PTPN2: variants seen among roughly 807,000 people sequenced by gnomAD.
PTPN2 encodes the protein protein tyrosine phosphatase non-receptor type 2, also known as tyrosine-protein phosphatase non-receptor type 2.
PTPN2 carries 19 observed loss-of-function variants against 57.3 expected under a neutral mutation model. The observed-to-expected ratio is 0.33, with a 90% CI of 0.23 to 0.49. The LOEUF is 0.49. Ranked by LOEUF, PTPN2 falls within the 20% of genes least tolerant of loss-of-function variation. PTPN2 has a pLI of 0.99. For missense variants in PTPN2, 358 were observed against 501.1 expected, an observed-to-expected ratio of 0.71 and a Z score of 2.73; for synonymous variants, 153 against 164.9, an observed-to-expected ratio of 0.93 and a Z score of 0.55.
At chr18:12,841,427 G>A (rs2043042132) in intron 2 of PTPN2, among the ~76,000 whole-genome samples, 1 of 152,186 alleles carries the variant, frequency 6.6e-6, no homozygotes, top group Non-Finnish European at 1.5e-5. Flanking sequence ...CATAGAAGAT[G>A]GACTGAACCA....
Position 12,870,384 on chromosome 18 carries a change from CGTATATATGT to C in PTPN2, c.70-11140_70-11131del, listed in dbSNP as rs1568169147. ...ATATGTGTATATATACATATATATA[CGTATATATGT>C]ATATATACACGTATATATATGTATA... On this transcript the variant is annotated intron_variant, in intron 1 of 8. Transcript: ENST00000309660. Among the ~76,000 whole-genome samples the C allele has an allele frequency of 4.9e-4, 18 of 36,732 alleles. 1 individual carries two copies. Among genetic ancestry groups the C allele is most frequent in the African/African-American group, 3.7e-3 (16 of 4,288 alleles). The allele number at this position is 36,732 out of a possible 152,430, so 24.1% of individuals were successfully genotyped here. A position where few individuals can be genotyped will look rare whatever the true frequency, so the allele number is the denominator to read the frequency against.
At position 12,813,339 on chromosome 18, in the gene PTPN2, A is replaced by G. The variant is rs189363851; in HGVS notation, c.858+864T>C. 1.7e-3 allele frequency among the ~76,000 whole-genome samples: 266 copies of G among 152,324 alleles called. 1 individual carries two copies. Among genetic ancestry groups the G allele is most frequent in the Admixed American group, 3.9e-3 (59 of 15,292 alleles). On this transcript the variant is annotated intron_variant, in intron 7 of 8. Coordinates refer to ENST00000309660, the MANE Select transcript of PTPN2 (RefSeq NM_002828.4). ...CAAAGTCTGGCGTCTGAAGCAGGACATGTTCTAATGGGCTGAGTTTCCCAA... is the reference window on the plus strand; with the variant it reads ...CAAAGTCTGGCGTCTGAAGCAGGACGTGTTCTAATGGGCTGAGTTTCCCAA...
chr18:12,806,355 T>G (rs1258437965), intron 7 of PTPN2, among the ~76,000 whole-genome samples: 1 of 152,184 alleles, frequency 6.6e-6, no homozygotes, highest in Non-Finnish European at 1.5e-5. Flanking sequence ...TTAAAATTAA[T>G]ACTGTTAAAA....
chr18:12,830,180 C>T (rs1300096179), intron 4 of PTPN2, among the ~76,000 whole-genome samples: 1 of 151,466 alleles, frequency 6.6e-6, no homozygotes, highest in African/African-American at 2.4e-5. Context: ...GATGGAGTCT[C>T]ATTCTATCAT....
At chr18:12,797,171 C>CA (rs543739858) in intron 8 of PTPN2, among the ~76,000 whole-genome samples, 70 of 152,276 alleles carry the variant, frequency 4.6e-4, no homozygotes, top group Non-Finnish European at 8.7e-4. Context: ...TGTATAAAAA[C>CA]AGAGAGGGGG....
At chr18:12,874,745 G>A (rs1375028857) in intron 1 of PTPN2, among the ~76,000 whole-genome samples, 20 of 151,356 alleles carry the variant, frequency 1.3e-4, no homozygotes, top group Middle Eastern at 3.5e-3. Context: ...GCCTCTGCCC[G>A]GCCGCCCCTA....
chr18:12,853,067 T>C (rs950320643), intron 2 of PTPN2, among the ~76,000 whole-genome samples: 15 of 152,222 alleles, frequency 9.9e-5, no homozygotes, highest in Admixed American at 4.6e-4. Context: ...ATTCGATACA[T>C]AGCATAGTAT....
intron 9 of PTPN2, chr18:12,786,637 T>C (rs1374515565): frequency 6.6e-6 from 1 of 152,196 alleles, no homozygotes; most frequent in Admixed American, 6.5e-5. Context: ...CCAACTCCCC[T>C]CAGTACCGCA....
rs1568169086 is a variant in PTPN2 at position 12,870,376 on chromosome 18, TATATATAC to T, written c.70-11130_70-11123del. Among the ~76,000 whole-genome samples the T allele has an allele frequency of 7.4e-4, 44 of 59,468 alleles. 6 individuals carry two copies. Among genetic ancestry groups the T allele is most frequent in the African/African-American group, 4.8e-3 (40 of 8,282 alleles). 39.0% of individuals were successfully genotyped at this position (59,468 alleles called of 152,430 possible). A position where few individuals can be genotyped will look rare whatever the true frequency, so the allele number is the denominator to read the frequency against. Reference sequence around the variant, plus strand: ...GTGTATATATATGTGTATATATACATATATATACGTATATATGTATATATACACGTATA... The same window carrying T: ...GTGTATATATATGTGTATATATACATGTATATATGTATATATACACGTATA... On this transcript the variant is annotated intron_variant, in intron 1 of 8. Transcript: ENST00000309660.
At chr18:12,820,881 A>C (rs2042249143) in intron 5 of PTPN2, among the ~76,000 whole-genome samples, 2 of 152,222 alleles carry the variant, frequency 1.3e-5, no homozygotes, top group South Asian at 4.1e-4. Flanking sequence ...GAGAATTCTA[A>C]ATTTAAAGTC....
rs576227417 is a variant in PTPN2 at position 12,876,556 on chromosome 18, G to GT, written c.69+7516dup. On this transcript the variant is annotated intron_variant, in intron 1 of 8. Coordinates refer to ENST00000309660, the MANE Select transcript of PTPN2 (RefSeq NM_002828.4). ...GACAAACGCAACTATCTGGATTTCC[G>GT]TAATTATAGATATCAGTAATCTATA... Among the ~76,000 whole-genome samples, 24 of 152,302 alleles carry GT rather than the reference G, an allele frequency of 1.6e-4. 1 individual carries two copies. The East Asian group carries it at 4.2e-3, about 27-fold the overall frequency.
At chr18:12,794,618 G>C (rs2041097832) in intron 8 of PTPN2, 133 bp from the exon 9 acceptor site, 1 of 1,111,634 alleles carries the variant, frequency 9.0e-7, no homozygotes, top group East Asian at 2.6e-5. Flanking sequence ...AATAATGAGG[G>C]GAAAAGCCTC....
At chr18:12,809,963 C>T (rs1172280769) in intron 7 of PTPN2, among the ~76,000 whole-genome samples, 1 of 152,208 alleles carries the variant, frequency 6.6e-6, no homozygotes, top group Non-Finnish European at 1.5e-5. Context: ...GGGCAGATCA[C>T]TTGAGGTCAG....
intron 2 of PTPN2, among the ~76,000 whole-genome samples, chr18:12,852,394 T>C (rs2043428678): frequency 6.6e-6 from 1 of 152,212 alleles, no homozygotes; most frequent in Non-Finnish European, 1.5e-5. Context: ...AAAGTAACCA[T>C]TACAAGCTAC....
chr18:12,861,358 T>A (rs2145482033), intron 1 of PTPN2, among the ~76,000 whole-genome samples: 1 of 152,334 alleles, frequency 6.6e-6, no homozygotes, highest in African/African-American at 2.4e-5. Context: ...CAGTAACACC[T>A]GCTCTATCAT....
At position 12,836,777 on chromosome 18, in the gene PTPN2, A is replaced by G; in HGVS notation, c.261+14T>C. 1 of 1,483,464 alleles carries G rather than the reference A, an allele frequency of 6.7e-7. No individual in the cohort carries two copies. Among genetic ancestry groups the G allele is most frequent in the Non-Finnish European group, 9.4e-7 (1 of 1,064,860 alleles). The allele number at this position is 1,483,464 out of a possible 1,614,324, so 91.9% of individuals were successfully genotyped here. A position where few individuals can be genotyped will look rare whatever the true frequency, so the allele number is the denominator to read the frequency against. On this transcript the variant is annotated intron_variant, in intron 3 of 8. Coordinates refer to ENST00000309660, the MANE Select transcript of PTPN2 (RefSeq NM_002828.4). ...CATCATTTTCAGACATTTGCGTGGT[A>G]TCGTATTACTTGCCTGTGTTAAGAT...
chr18:12,818,891 C>G (rs1244281194), intron 5 of PTPN2: 1 of 155,440 alleles, frequency 6.4e-6, no homozygotes, highest in Non-Finnish European at 1.4e-5. Context: ...GTCAGGAGTT[C>G]GAGACCAACC....
chr18:12,855,655 G>A (rs1257336935), intron 2 of PTPN2, among the ~76,000 whole-genome samples: 4 of 152,146 alleles, frequency 2.6e-5, no homozygotes, highest in Non-Finnish European at 5.9e-5. Flanking sequence ...GAACACGGTG[G>A]CAGTGGGGCA....
In PTPN2 at chr18:12,818,011, G is replaced by A. The variant is rs568660214; in HGVS notation, c.496-646C>T. On this transcript the variant is annotated intron_variant, in intron 5 of 8. Transcript: ENST00000309660. ...CAAAAAATTAGCCAGGCGTGGTGGC[G>A]CGTGCCTGTAATCTCAGCTACTTGG... is the stretch of plus-strand genomic sequence containing the variant. Among the ~76,000 whole-genome samples the A allele has an allele frequency of 4.9e-4, 75 of 152,168 alleles. 1 individual carries two copies. The highest frequency in any genetic ancestry group is 6.8e-3 in the Middle Eastern group (2 of 294).
Sources: allele counts gnomAD v4.1 joint callset (sites outside exome capture counted in the v4.1 genomes callset), GRCh38; gene constraint gnomAD v4.1.1; transcripts MANE v1.5; gene names NCBI Gene and HGNC (gene_info 2026-07-23, HGNC 2026-07-21).